The following ATG16L2 variants were observed in gnomAD, a reference collection of about 807,000 sequenced individuals.
The protein encoded by ATG16L2 is protein Atg16l2.
In ATG16L2, 77 loss-of-function variants were observed where a neutral mutation model predicts 84.7. The observed-to-expected ratio is 0.91, with a 90% confidence interval of 0.76 to 1.10. The LOEUF (loss-of-function observed/expected upper bound fraction) is 1.10, where lower values mean the gene tolerates loss of function less well. Ranked by LOEUF, ATG16L2 falls within the 50% of genes least tolerant of loss-of-function variation. The probability of loss-of-function intolerance (pLI) is 0.00; values close to 1 mark genes in which losing one functional copy is unlikely to be tolerated. For synonymous variants in ATG16L2, 361 were observed against 342.8 expected (o/e 1.05, Z -0.59); for missense variants, 782 against 817.6 (o/e 0.96, Z 0.53).
At chr11:72,842,574 AT>A (rs767390327) in intron 5 of ATG16L2, 18 of 1,610,322 alleles carry the variant, frequency 1.1e-5, no homozygotes, top group Non-Finnish European at 1.5e-5. Context: ...TTTGGGAGCA[AT>A]TTTCTTTAAA....
At position 72,826,716 on chromosome 11, in the gene ATG16L2, G is replaced by A; in HGVS notation, c.1259G>A (p.Gly420Glu). The A allele has an allele frequency of 6.2e-7, 1 of 1,614,136 alleles. No homozygotes were observed. The highest frequency in any genetic ancestry group is 8.5e-7 in the Non-Finnish European group (1 of 1,180,014). The change falls in exon 13 of 18, where the codon GGA becomes GAA. Residue 420 changes from glycine (G) to glutamate (E), a missense_variant. Physicochemically the swap from Gly to Glu is moderately conservative, Grantham distance 98 (BLOSUM62 -2). Coordinates refer to ENST00000321297, the MANE Select transcript of ATG16L2 (RefSeq NM_033388.2). The part of the protein sequence containing the change: ...GEAQSKETLS[G>E]HKDKVTAAKF... ...GCCGGGGTACAGGAGACACTGTCTGGACACAAGGATAAGGTGACAGCTGCC... is the reference window on the plus strand; with the variant it reads ...GCCGGGGTACAGGAGACACTGTCTGAACACAAGGATAAGGTGACAGCTGCC...
chr11:72,841,610 C>A (rs762585135), intron 5 of ATG16L2: 2 of 1,568,322 alleles, frequency 1.3e-6, no homozygotes, highest in Non-Finnish European at 1.7e-6. Context: ...CGAGGTTACC[C>A]GGTGCTCCCC....
At position 72,824,758 on chromosome 11, in the gene ATG16L2, A is replaced by G. The variant is rs562843635; in HGVS notation, c.912A>G (p.Ser304=). 1.1e-5 allele frequency: 17 copies of G among 1,613,810 alleles called. No individual in the cohort carries two copies. The South Asian group carries it at 1.8e-4, about 17-fold the overall frequency. Reference sequence around the variant, plus strand: ...GTTTTAAGAAGAGGAGAGGTCACTCAATTGGGGGAGCCCCTGAGCAGCGAT... The same window carrying G: ...GTTTTAAGAAGAGGAGAGGTCACTCGATTGGGGGAGCCCCTGAGCAGCGAT... The part of the protein sequence containing the change: ...LLDFKKRRGH[S]IGGAPEQRYQ... The change falls in exon 9 of 18, where the codon TCA becomes TCG. Residue 304 remains serine, a synonymous_variant. Transcript: ENST00000321297.
At chr11:72,826,392 G>A (rs1223729699) in intron 11 of ATG16L2, 126 bp from the exon 12 acceptor site, 24 of 1,448,266 alleles carry the variant, frequency 1.7e-5, no homozygotes, top group Non-Finnish European at 2.2e-5. Context: ...TTGGGCCGGA[G>A]GCTCCTTTGC....
intron 7 of ATG16L2, chr11:72,823,679 C>A (rs994268367): frequency 1.5e-5 from 7 of 462,710 alleles, no homozygotes; most frequent in African/African-American, 1.2e-4. Flanking sequence ...CTCTCCTGGG[C>A]ATTGCTGAGG....
chr11:72,832,332 C>G (rs1860624114), downstream of ATG16L2, among the ~76,000 whole-genome samples: 1 of 152,200 alleles, frequency 6.6e-6, no homozygotes, highest in Non-Finnish European at 1.5e-5. Context: ...TTGCCTCTCT[C>G]AGGGAGCACA....
chr11:72,823,188 T>C (rs1186119909), intron 7 of ATG16L2: 2 of 471,750 alleles, frequency 4.2e-6, no homozygotes, highest in Non-Finnish European at 7.6e-6. Flanking sequence ...TTTCCCTCCT[T>C]CTTGGGATCA....
At chr11:72,816,872 G>C (rs753180635) in intron 2 of ATG16L2, 45 bp downstream of exon 2, 3 of 1,529,748 alleles carry the variant, frequency 2.0e-6, no homozygotes, top group South Asian at 2.2e-5. Flanking sequence ...GCCTGTGCTG[G>C]GGCCCTGCCC....
chr11:72,838,976 C>G (rs1376992787), intron 5 of ATG16L2: 2 of 959,382 alleles, frequency 2.1e-6, no homozygotes, highest in Non-Finnish European at 3.2e-6. Flanking sequence ...CATGGGCACC[C>G]TAGGGGTCTC....
Position 72,814,416 on chromosome 11 carries a change from GA to G in ATG16L2, c.-28del. The G allele has an allele frequency of 7.2e-7, 1 of 1,387,246 alleles. No homozygotes were observed. Among genetic ancestry groups the G allele is most frequent in the Non-Finnish European group, 9.5e-7 (1 of 1,056,842 alleles). 85.9% of individuals were successfully genotyped at this position (1,387,246 alleles called of 1,614,324 possible). On this transcript the variant is annotated 5_prime_UTR_variant, in exon 1 of 18. Transcript: ENST00000321297. ...GGCCTGGCGCCGTCCTGGGCGGGAG[GA>G]ACGCGCCGCTAGGCGGGAGAGCGCG...
intron 3 of ATG16L2, chr11:72,821,166 T>G: frequency 3.1e-6 from 3 of 968,274 alleles, no homozygotes; most frequent in Non-Finnish European, 3.7e-6. Flanking sequence ...GCAAGACACT[T>G]AAACCTCTCT....
At chr11:72,817,705 G>A in intron 2 of ATG16L2, 51 bp from the exon 3 acceptor site, 1 of 1,589,094 alleles carries the variant, frequency 6.3e-7, no homozygotes. Flanking sequence ...GGTGCCTTTG[G>A]GCACTTGGGT....
intron 17 of ATG16L2, 103 bp from the exon 18 acceptor site, chr11:72,829,200 C>A: frequency 1.5e-6 from 2 of 1,317,858 alleles, no homozygotes; most frequent in South Asian, 1.3e-5. Context: ...GAAACAGGCT[C>A]AAGAGAGGGC....
At chr11:72,826,858 A>G (rs1591312220) in intron 13 of ATG16L2, 35 bp downstream of exon 13, 1 of 1,605,052 alleles carries the variant, frequency 6.2e-7, no homozygotes, top group African/African-American at 1.3e-5. Flanking sequence ...TCTCCTCCCC[A>G]CCAGCCAGGA....
In ATG16L2 at chr11:72,829,522, G is replaced by A; in HGVS notation, c.*132G>A. 1 of 1,420,404 alleles carries A rather than the reference G, an allele frequency of 7.0e-7. No individual in the cohort carries two copies. The highest frequency in any genetic ancestry group is 9.2e-7 in the Non-Finnish European group (1 of 1,087,392). The allele number at this position is 1,420,404 out of a possible 1,614,324, so 88.0% of individuals were successfully genotyped here. On this transcript the variant is annotated 3_prime_UTR_variant, in exon 18 of 18. Coordinates refer to ENST00000321297, the MANE Select transcript of ATG16L2 (RefSeq NM_033388.2). ...TGGGGAAGAAGGCCTGGCAGGACCT[G>A]GCCTGTTTGTTTAAAAATGAAGTAT...
intron 5 of ATG16L2, among the ~76,000 whole-genome samples, chr11:72,835,608 A>G (rs999177375): frequency 6.6e-6 from 1 of 152,232 alleles, no homozygotes; most frequent in Admixed American, 6.5e-5. Flanking sequence ...TCCTAAGTCC[A>G]TATGCGGTTG....
chr11:72,815,389 G>C (rs1859647922), intron 1 of ATG16L2, among the ~76,000 whole-genome samples: 1 of 152,174 alleles, frequency 6.6e-6, no homozygotes, highest in South Asian at 2.1e-4. Flanking sequence ...CCAGGCTGCT[G>C]GTCCTCTACC....
chr11:72,829,595 C>CTA lies in ATG16L2; in HGVS notation c.*205_*206insTA. The CTA allele has an allele frequency of 6.6e-6, 6 of 914,546 alleles. No homozygotes were observed. In the Admixed American group the frequency reaches 2.4e-4, roughly 37 times the overall value. The allele number at this position is 914,546 out of a possible 1,614,324, so 56.7% of individuals were successfully genotyped here. A position where few individuals can be genotyped will look rare whatever the true frequency, so the allele number is the denominator to read the frequency against. ...TTTCTTTGTATTTTTATCTCTATCT[C>CTA]CTCACTTTTTCTCCCAAAGTAGAAA... is the stretch of plus-strand genomic sequence containing the variant. On this transcript the variant is annotated 3_prime_UTR_variant, in exon 18 of 18. Transcript: ENST00000321297.
downstream of ATG16L2, among the ~76,000 whole-genome samples, chr11:72,833,294 G>A (rs544976413): frequency 4.6e-5 from 7 of 152,328 alleles, no homozygotes; most frequent in African/African-American, 1.7e-4. Flanking sequence ...TCCATGCCTG[G>A]ATACAGGCTC....
Sources: gnomAD v4.1 joint callset for allele counts (sites outside exome capture counted in the v4.1 genomes callset) on GRCh38, gnomAD v4.1.1 for gene constraint, MANE v1.5 for transcripts, NCBI Gene and HGNC (gene_info 2026-07-23, HGNC 2026-07-21) for gene names.